XKR9: variants seen among roughly 807,000 people sequenced by gnomAD.
XKR9 encodes XK related 9.
In XKR9, 32 loss-of-function variants were observed where a neutral mutation model predicts 32.0. That is an observed-to-expected ratio of 1.00 (90% CI 0.76 to 1.34). The LOEUF is 1.34. Among genes scored for constraint, XKR9 ranks in the 40% most tolerant of loss-of-function variants. XKR9 has a pLI of 0.00. For missense variants in XKR9, 546 were observed against 429.7 expected (o/e 1.27, Z -2.39); for synonymous variants, 168 against 143.4 (o/e 1.17, Z -1.22).
chr8:70,870,705 A>G, the XKR9 span, among the ~76,000 whole-genome samples: 82,739 of 152,058 alleles, frequency 0.54, 23,469 homozygotes, highest in Middle Eastern at 0.62. Flanking sequence ...ATGAATGACT[A>G]TAGAATAATC....
chr8:70,798,946 C>T, the XKR9 span, among the ~76,000 whole-genome samples: 21 of 152,214 alleles, frequency 1.4e-4, no homozygotes, highest in African/African-American at 5.1e-4. Context: ...CTTTTGGTTA[C>T]TGAAGCCTTG....
chr8:70,900,051 A>G, the XKR9 span, among the ~76,000 whole-genome samples: 2 of 152,084 alleles, frequency 1.3e-5, no homozygotes, highest in Non-Finnish European at 2.9e-5. Context: ...GCTTGACTGG[A>G]TGCCTAAAAA....
At chr8:70,922,983 GC>G in the XKR9 span, among the ~76,000 whole-genome samples, 1 of 152,222 alleles carries the variant, frequency 6.6e-6, no homozygotes, top group Non-Finnish European at 1.5e-5. Flanking sequence ...AATCCCTGTA[GC>G]TTGCTGACAG....
chr8:70,827,724 A>G, the XKR9 span, among the ~76,000 whole-genome samples: 354 of 152,346 alleles, frequency 2.3e-3, 1 homozygote, highest in Non-Finnish European at 3.8e-3. Context: ...AGTGAAATCC[A>G]AAGAAATGTC....
intron 2 of XKR9, among the ~76,000 whole-genome samples, chr8:70,762,857 T>C (rs1354801973): frequency 6.6e-6 from 1 of 152,160 alleles, no homozygotes; most frequent in Non-Finnish European, 1.5e-5. Context: ...GCTGTAAAAC[T>C]CAATGAGCTT....
the XKR9 span, among the ~76,000 whole-genome samples, chr8:70,982,376 A>T: frequency 1.3e-5 from 2 of 152,186 alleles, no homozygotes; most frequent in East Asian, 1.9e-4. Flanking sequence ...GTTGTGGGGG[A>T]TAGCAGTGTG....
chr8:70,711,237 A>C (rs1805909478), intron 4 of XKR9, among the ~76,000 whole-genome samples: 1 of 152,218 alleles, frequency 6.6e-6, no homozygotes, highest in Non-Finnish European at 1.5e-5. Flanking sequence ...AAGAGCTTAA[A>C]ACAGAATTAC....
At chr8:70,710,338 CT>C (rs1176005420) in intron 4 of XKR9, among the ~76,000 whole-genome samples, 1 of 152,170 alleles carries the variant, frequency 6.6e-6, no homozygotes, top group African/African-American at 2.4e-5. Flanking sequence ...TATAAAAACT[CT>C]AGAAGAAAAT....
chr8:70,704,747 A>T (rs268651), intron 3 of XKR9, among the ~76,000 whole-genome samples: 1 of 151,986 alleles, frequency 6.6e-6, no homozygotes, highest in Admixed American at 6.6e-5. Context: ...GATTATAAAC[A>T]ACTTCAAGAA....
intron 2 of XKR9, among the ~76,000 whole-genome samples, chr8:70,787,934 G>A (rs535053017): frequency 1.3e-5 from 2 of 152,138 alleles, no homozygotes; most frequent in South Asian, 4.1e-4. Context: ...AAAAAATTAA[G>A]AGGAATAGGT....
intron 4 of XKR9, among the ~76,000 whole-genome samples, chr8:70,730,451 C>T (rs556835071): frequency 6.6e-6 from 1 of 152,158 alleles, no homozygotes; most frequent in African/African-American, 2.4e-5. Context: ...AGACTCTAGC[C>T]AGAACTGCCA....
At chr8:70,969,754 C>A in the XKR9 span, among the ~76,000 whole-genome samples, 8 of 151,912 alleles carry the variant, frequency 5.3e-5, no homozygotes, top group Non-Finnish European at 8.8e-5. Flanking sequence ...TTACTTTTTT[C>A]TTTTTCTATT....
chr8:71,034,113 T>A, the XKR9 span, among the ~76,000 whole-genome samples: 1 of 152,204 alleles, frequency 6.6e-6, no homozygotes, highest in South Asian at 2.1e-4. Context: ...CATAAAGTGA[T>A]TGATATGGTC....
At chr8:70,828,615 A>G in the XKR9 span, among the ~76,000 whole-genome samples, 1 of 151,774 alleles carries the variant, frequency 6.6e-6, no homozygotes, top group East Asian at 1.9e-4. Flanking sequence ...TTCAGCTACT[A>G]GAGAGGCTGA....
the XKR9 span, among the ~76,000 whole-genome samples, chr8:70,885,470 T>C: frequency 6.6e-6 from 1 of 152,208 alleles, no homozygotes; most frequent in Non-Finnish European, 1.5e-5. Flanking sequence ...TACATAGGTA[T>C]ACATGTGCCA....
At chr8:70,712,881 A>G (rs758237737) in intron 4 of XKR9, among the ~76,000 whole-genome samples, 2 of 152,174 alleles carry the variant, frequency 1.3e-5, no homozygotes, top group African/African-American at 2.4e-5. Flanking sequence ...AATTTTTACA[A>G]AAGTTTTCAA....
the XKR9 span, among the ~76,000 whole-genome samples, chr8:70,809,669 C>G: frequency 6.6e-6 from 1 of 151,994 alleles, no homozygotes; most frequent in African/African-American, 2.4e-5. Flanking sequence ...GTAGCTGATT[C>G]GATCAACTGG....
At chr8:71,001,532 T>C in the XKR9 span, among the ~76,000 whole-genome samples, 1 of 152,240 alleles carries the variant, frequency 6.6e-6, no homozygotes, top group Non-Finnish European at 1.5e-5. Context: ...AATCACCTAC[T>C]TATTTTGCTT....
At chr8:70,885,458 G>A in the XKR9 span, among the ~76,000 whole-genome samples, 1 of 152,120 alleles carries the variant, frequency 6.6e-6, no homozygotes, top group Admixed American at 6.5e-5. Context: ...GTGCAAGTTT[G>A]TTACATAGGT....
Sources: gnomAD v4.1 joint callset for allele counts (sites outside exome capture counted in the v4.1 genomes callset) on GRCh38, gnomAD v4.1.1 for gene constraint, MANE v1.5 for transcripts, NCBI Gene and HGNC (gene_info 2026-07-23, HGNC 2026-07-21) for gene names.